CLSTN2: variants seen among roughly 807,000 people sequenced by gnomAD.
CLSTN2 encodes calsyntenin 2, also known as calsyntenin-2.
A neutral mutation model predicts 101.2 loss-of-function variants in CLSTN2; 48 were observed. The ratio of observed to expected loss-of-function variants is 0.47; its 90% CI spans 0.38 to 0.60. The LOEUF (loss-of-function observed/expected upper bound fraction) is 0.60. CLSTN2 is among the 20% of genes least tolerant of loss of function. CLSTN2 has a pLI of 0.00. For missense variants in CLSTN2, 1,160 were observed against 1,238.2 expected (o/e 0.94, Z 0.95); for synonymous variants, 481 against 463.6 (o/e 1.04, Z -0.48).
At chr3:140,040,399 A>G (rs944474092) in intron 1 of CLSTN2, among the ~76,000 whole-genome samples, 2 of 152,158 alleles carry the variant, frequency 1.3e-5, no homozygotes, top group Non-Finnish European at 2.9e-5. Flanking sequence ...AATGCATTGC[A>G]TAGGTTAGAT....
rs1985727160 is a variant in CLSTN2, at chr3:140,576,229, G to C, written c.*9976G>C. 1 of 152,164 alleles carries C rather than the reference G, an allele frequency of 6.6e-6. No homozygotes were observed. 9.4% of individuals were successfully genotyped at this position (152,164 alleles called of 1,614,324 possible). On this transcript the variant is annotated 3_prime_UTR_variant, in exon 17 of 17. Coordinates refer to ENST00000458420, the MANE Select transcript of CLSTN2 (RefSeq NM_022131.3). Reference sequence around the variant, plus strand: ...TGGCTCCCTTGTCGTGAGAGTGAAGGCATGCTGCACACAGTGGGTTTGCAT... The same window carrying C: ...TGGCTCCCTTGTCGTGAGAGTGAAGCCATGCTGCACACAGTGGGTTTGCAT...
intron 1 of CLSTN2, among the ~76,000 whole-genome samples, chr3:139,983,274 T>C (rs189187692): frequency 2.9e-3 from 438 of 152,048 alleles, no homozygotes; most frequent in African/African-American, 0.01. Flanking sequence ...ATAAAAAGAG[T>C]GGACTGAAAG....
At position 140,196,850 on chromosome 3, in the gene CLSTN2, C is replaced by T. The variant is rs1027768282; in HGVS notation, c.232+20777C>T. Among the ~76,000 whole-genome samples, 5 of 152,192 alleles carry T rather than the reference C, an allele frequency of 3.3e-5. No individual in the cohort carries two copies. In the South Asian group the frequency reaches 8.3e-4, roughly 25 times the overall value. ...AACATGGTTATTTTGTTATGAAAAA[C>T]ATTATTTCTCTCCTGCTCTTGCACC... On this transcript the variant is annotated intron_variant, in intron 2 of 16. Transcript: ENST00000458420.
chr3:140,446,429 T>C lies in CLSTN2; in HGVS notation c.788-2090T>C, dbSNP rs559254951. Among the ~76,000 whole-genome samples the C allele has an allele frequency of 2.6e-5, 4 of 152,232 alleles. No homozygotes were observed. In the South Asian group the frequency reaches 8.3e-4, roughly 32 times the overall value. On this transcript the variant is annotated intron_variant, in intron 5 of 16. Transcript: ENST00000458420. ...CTTGTGACACACTCAGAAAACTCCA[T>C]AAAGGGCAGCTGGTGACCATGGGGG...
At chr3:140,370,025 C>T (rs1011383404) in intron 2 of CLSTN2, among the ~76,000 whole-genome samples, 2 of 152,232 alleles carry the variant, frequency 1.3e-5, no homozygotes, top group Non-Finnish European at 2.9e-5. Context: ...CAGAATTGCC[C>T]CTTCAGGGCA....
chr3:140,536,093 A>G (rs1386052238), intron 9 of CLSTN2, among the ~76,000 whole-genome samples: 1 of 152,170 alleles, frequency 6.6e-6, no homozygotes, highest in African/African-American at 2.4e-5. Flanking sequence ...CAACCAAGGA[A>G]CAATAAAAGA....
At chr3:140,346,730 T>C (rs2087550055) in intron 2 of CLSTN2, among the ~76,000 whole-genome samples, 2 of 152,198 alleles carry the variant, frequency 1.3e-5, no homozygotes, top group African/African-American at 4.8e-5. Context: ...CAGTGACTCA[T>C]GCATCTCATG....
chr3:140,512,352 A>T (rs1559890655), intron 8 of CLSTN2, among the ~76,000 whole-genome samples: 1 of 152,128 alleles, frequency 6.6e-6, no homozygotes, highest in East Asian at 1.9e-4. Context: ...CAGTTCTCCC[A>T]GCACGATTTA....
At chr3:140,106,507 T>C (rs1456921374) in intron 1 of CLSTN2, among the ~76,000 whole-genome samples, 5 of 152,204 alleles carry the variant, frequency 3.3e-5, no homozygotes, top group African/African-American at 1.2e-4. Flanking sequence ...CAGAATCCTA[T>C]GGTCTTCTCT....
intron 2 of CLSTN2, among the ~76,000 whole-genome samples, chr3:140,338,951 T>C (rs1305598974): frequency 6.6e-6 from 1 of 152,160 alleles, no homozygotes; most frequent in African/African-American, 2.4e-5. Flanking sequence ...GGAGCACAGA[T>C]GAGTATTCCC....
chr3:139,958,209 G>T (rs916457532), intron 1 of CLSTN2, among the ~76,000 whole-genome samples: 1 of 152,086 alleles, frequency 6.6e-6, no homozygotes, highest in Non-Finnish European at 1.5e-5. Flanking sequence ...CTTGGCAGGG[G>T]TACAGCCACC....
At chr3:140,534,891 C>A (rs1442250440) in intron 9 of CLSTN2, among the ~76,000 whole-genome samples, 2 of 152,224 alleles carry the variant, frequency 1.3e-5, no homozygotes. Context: ...GTAGAAAATA[C>A]TCCCATCCTT....
chr3:140,129,911 G>T (rs1402159884), intron 1 of CLSTN2, among the ~76,000 whole-genome samples: 1 of 152,186 alleles, frequency 6.6e-6, no homozygotes, highest in Non-Finnish European at 1.5e-5. Flanking sequence ...CCACTCTCAT[G>T]TAAATGCAAC....
intron 1 of CLSTN2, among the ~76,000 whole-genome samples, chr3:139,997,945 T>C (rs1282449778): frequency 6.6e-6 from 1 of 152,170 alleles, no homozygotes; most frequent in Non-Finnish European, 1.5e-5. Context: ...AATTTGTAGT[T>C]TTCTGGGGAC....
At chr3:140,491,019 G>A (rs1934344147) in intron 8 of CLSTN2, among the ~76,000 whole-genome samples, 2 of 152,208 alleles carry the variant, frequency 1.3e-5, no homozygotes, top group African/African-American at 4.8e-5. Flanking sequence ...TTAGCACGGT[G>A]TCAACCCCCG....
rs1985261542 is a variant in CLSTN2, at chr3:140,566,738, C to T, written c.*485C>T. ...ACTTCACACACGTAAGGTCTTAGTG[C>T]TTAACAGTTTAAAGGAAAGTCCTTG... On this transcript the variant is annotated 3_prime_UTR_variant, in exon 17 of 17. Coordinates refer to ENST00000458420, the MANE Select transcript of CLSTN2 (RefSeq NM_022131.3). 1 of 171,302 alleles carries T rather than the reference C, an allele frequency of 5.8e-6. No individual in the cohort carries two copies. The highest frequency in any genetic ancestry group is 1.5e-4 in the South Asian group (1 of 6,858). The allele number at this position is 171,302 out of a possible 1,614,324, so 10.6% of individuals were successfully genotyped here. A position where few individuals can be genotyped will look rare whatever the true frequency, so the allele number is the denominator to read the frequency against.
intron 8 of CLSTN2, among the ~76,000 whole-genome samples, chr3:140,497,309 C>T (rs370346751): frequency 2.8e-4 from 43 of 152,220 alleles, no homozygotes; most frequent in African/African-American, 1.0e-3. Flanking sequence ...TTCATATAAC[C>T]GTGGCTGGAG....
chr3:140,352,890 G>A (rs1047811110), intron 2 of CLSTN2, among the ~76,000 whole-genome samples: 1 of 152,064 alleles, frequency 6.6e-6, no homozygotes, highest in African/African-American at 2.4e-5. Flanking sequence ...AATACAGTTG[G>A]CCCTCCATAT....
chr3:140,367,936 G>A (rs1450278293), intron 2 of CLSTN2, among the ~76,000 whole-genome samples: 2 of 152,154 alleles, frequency 1.3e-5, no homozygotes, highest in Non-Finnish European at 2.9e-5. Context: ...TAGCTGTCCT[G>A]GCCCAGGAGG....
Sources: allele counts gnomAD v4.1 joint callset (sites outside exome capture counted in the v4.1 genomes callset), GRCh38; gene constraint gnomAD v4.1.1; transcripts MANE v1.5; gene names NCBI Gene and HGNC (gene_info 2026-07-23, HGNC 2026-07-21).